The following RCBTB1 variants were observed in gnomAD, a reference collection of about 807,000 sequenced individuals.
RCBTB1 encodes RCC1 and BTB domain-containing protein 1.
A neutral mutation model predicts 62.4 loss-of-function variants in RCBTB1; 46 were observed. The observed-to-expected ratio is 0.74, with a 90% CI of 0.58 to 0.94. RCBTB1 has a LOEUF of 0.94. RCBTB1 is among the 40% of genes least tolerant of loss of function. The pLI, the probability that RCBTB1 is intolerant of heterozygous loss-of-function variation, is 0.00. For missense variants in RCBTB1, 565 were observed against 654.9 expected, an observed-to-expected ratio of 0.86 and a Z score of 1.50; for synonymous variants, 222 against 245.8, an observed-to-expected ratio of 0.90 and a Z score of 0.91.
intron 12 of RCBTB1, among the ~76,000 whole-genome samples, chr13:49,535,539 T>A (rs1959871595): frequency 6.6e-6 from 1 of 150,772 alleles, no homozygotes; most frequent in Non-Finnish European, 1.5e-5. Context: ...GACCGCACAT[T>A]TCCAGCTACC....
At chr13:49,543,029 G>T (rs558400100) in intron 10 of RCBTB1, among the ~76,000 whole-genome samples, 6 of 152,314 alleles carry the variant, frequency 3.9e-5, no homozygotes, top group Middle Eastern at 6.8e-3. Flanking sequence ...GGCCGAGGCA[G>T]GTCAGCCTCA....
intron 5 of RCBTB1, among the ~76,000 whole-genome samples, chr13:49,558,337 G>A (rs931792295): frequency 6.6e-6 from 1 of 152,074 alleles, no homozygotes; most frequent in Non-Finnish European, 1.5e-5. Context: ...ACCCTGAACT[G>A]GAACAAACGG....
chr13:49,536,240 C>T (rs538302561), intron 12 of RCBTB1, among the ~76,000 whole-genome samples: 2 of 152,190 alleles, frequency 1.3e-5, no homozygotes, highest in African/African-American at 4.8e-5. Context: ...CAATCTAAAT[C>T]TGGGTTGTGT....
intron 11 of RCBTB1, 117 bp from the exon 12 acceptor site, chr13:49,541,123 AT>A (rs1163022651): frequency 1.0e-5 from 8 of 794,830 alleles, no homozygotes; most frequent in African/African-American, 1.8e-5. Context: ...AGTGGATAAG[AT>A]TCTGAATTTG....
At chr13:49,536,875 TA>T (rs1959980681) in intron 12 of RCBTB1, among the ~76,000 whole-genome samples, 1 of 152,254 alleles carries the variant, frequency 6.6e-6, no homozygotes, top group South Asian at 2.1e-4. Flanking sequence ...TCTTCTGAAG[TA>T]ATTTATAAAT....
intron 2 of RCBTB1, among the ~76,000 whole-genome samples, chr13:49,573,062 A>G (rs1445454436): frequency 6.6e-6 from 1 of 152,176 alleles, no homozygotes; most frequent in East Asian, 1.9e-4. Flanking sequence ...CCCCCAAGGA[A>G]GCATCCCAAC....
intron 7 of RCBTB1, 81 bp downstream of exon 7, chr13:49,552,097 A>G (rs1961412393): frequency 1.2e-6 from 1 of 865,170 alleles, no homozygotes; most frequent in Non-Finnish European, 1.9e-6. Context: ...GACTGACTGA[A>G]GAGTAAACCT....
At chr13:49,547,685 CTCTGTT>C (rs1165955949) in intron 9 of RCBTB1, among the ~76,000 whole-genome samples, 1 of 152,110 alleles carries the variant, frequency 6.6e-6, no homozygotes, top group Non-Finnish European at 1.5e-5. Context: ...TTTATAATAC[CTCTGTT>C]TTGATGCCCT....
chr13:49,538,302 A>T (rs1960081200), intron 12 of RCBTB1, among the ~76,000 whole-genome samples: 1 of 152,186 alleles, frequency 6.6e-6, no homozygotes, highest in Non-Finnish European at 1.5e-5. Flanking sequence ...TATGGATTTT[A>T]ATTTTGTACT....
In RCBTB1 at chr13:49,566,686, C is replaced by G. The variant is rs748168580; in HGVS notation, c.209G>C (p.Gly70Ala). 3.1e-6 allele frequency: 5 copies of G among 1,614,028 alleles called. No individual in the cohort carries two copies. The highest frequency in any genetic ancestry group is 1.1e-5 in the South Asian group (1 of 91,076). Reference protein sequence around the residue: ...QSTLVPKKLEGLCGKKIKSLS... With the variant: ...QSTLVPKKLEALCGKKIKSLS... ...GCTTTTAATCTTCTTTCCACATAAG[C>G]CTTCTAGCTTTTTGGGTACAAGTGT... Residue 70 changes from glycine to alanine, a missense_variant, in exon 4 of 13, where the codon GGC (glycine) becomes GCC (alanine). By Grantham distance (60) the Gly-to-Ala change is moderately conservative. Coordinates refer to ENST00000378302, the MANE Select transcript of RCBTB1 (RefSeq NM_018191.4).
chr13:49,554,844 A>T (rs1961710441), intron 6 of RCBTB1, among the ~76,000 whole-genome samples: 1 of 152,210 alleles, frequency 6.6e-6, no homozygotes, highest in African/African-American at 2.4e-5. Context: ...AAGGTTGGGG[A>T]CCACTGCCCA....
At position 49,559,620 on chromosome 13, in the gene RCBTB1, T is replaced by C. The variant is rs549238337; in HGVS notation, c.444+298A>G. Among the ~76,000 whole-genome samples, 310 of 134,354 alleles carry C rather than the reference T, an allele frequency of 2.3e-3. 2 individuals are homozygous for C. Among genetic ancestry groups the C allele is most frequent in the East Asian group, 0.018 (83 of 4,496 alleles). 88.1% of individuals were successfully genotyped at this position (134,354 alleles called of 152,430 possible). On this transcript the variant is annotated intron_variant, in intron 5 of 12. Coordinates refer to ENST00000378302, the MANE Select transcript of RCBTB1 (RefSeq NM_018191.4). ...GCAGTGAGCAGAGATCGTGCCACTGTACTCCAGCCTGGGCGACAGAGCGAG... is the reference window on the plus strand; with the variant it reads ...GCAGTGAGCAGAGATCGTGCCACTGCACTCCAGCCTGGGCGACAGAGCGAG...
At chr13:49,547,152 T>C (rs1363844849) in intron 9 of RCBTB1, 2 of 1,274,352 alleles carry the variant, frequency 1.6e-6, no homozygotes, top group Middle Eastern at 4.3e-4. Context: ...GAACCAATTA[T>C]TTTCCAATCA....
chr13:49,543,526 T>C (rs1960554830), intron 10 of RCBTB1, among the ~76,000 whole-genome samples: 1 of 152,212 alleles, frequency 6.6e-6, no homozygotes, highest in Non-Finnish European at 1.5e-5. Flanking sequence ...TCTGTTCCTT[T>C]CAAATGTATT....
intron 8 of RCBTB1, 156 bp from the exon 9 acceptor site, chr13:49,549,804 G>C: frequency 1.0e-6 from 1 of 985,378 alleles, no homozygotes; most frequent in Non-Finnish European, 1.2e-6. Flanking sequence ...AAAAGCAACA[G>C]ATCAGGGCAA....
chr13:49,557,254 G>C (rs7983670), intron 5 of RCBTB1, among the ~76,000 whole-genome samples: 37,077 of 151,896 alleles, frequency 0.24, 5,825 homozygotes, highest in African/African-American at 0.44. Context: ...TTAAAAGATA[G>C]GGAATAGAAG....
intron 8 of RCBTB1, chr13:49,549,877 G>C: frequency 1.0e-6 from 1 of 985,426 alleles, no homozygotes; most frequent in Non-Finnish European, 1.2e-6. Flanking sequence ...AGTTAGGATA[G>C]ATCACACAGA....
chr13:49,580,130 G>A (rs1171058754), intron 2 of RCBTB1, among the ~76,000 whole-genome samples: 1 of 152,176 alleles, frequency 6.6e-6, no homozygotes, highest in Non-Finnish European at 1.5e-5. Flanking sequence ...TCTTATAAAA[G>A]TATTGCTTTT....
At chr13:49,577,867 A>C (rs946064317) in intron 2 of RCBTB1, among the ~76,000 whole-genome samples, 2 of 152,260 alleles carry the variant, frequency 1.3e-5, no homozygotes, top group East Asian at 3.8e-4. Context: ...TGATATTTTT[A>C]ATTGCAAAAA....
Sources: gnomAD v4.1 joint callset for allele counts (sites outside exome capture counted in the v4.1 genomes callset) on GRCh38, gnomAD v4.1.1 for gene constraint, MANE v1.5 for transcripts, NCBI Gene and HGNC (gene_info 2026-07-23, HGNC 2026-07-21) for gene names.